The following EML1 variants were observed in gnomAD, a reference collection of about 807,000 sequenced individuals.
EML1 encodes the protein echinoderm microtubule-associated protein-like 1.
Under a neutral mutation model 110.4 loss-of-function variants are expected in EML1, and 27 were observed. That is an observed-to-expected ratio of 0.24 (90% confidence interval 0.18 to 0.34). The LOEUF is 0.34. Ranked by LOEUF, EML1 falls within the 10% of genes least tolerant of loss-of-function variation. The pLI, the probability that EML1 is intolerant of heterozygous loss-of-function variation, is 1.00. For synonymous variants in EML1, 344 were observed against 385.8 expected (o/e 0.89, Z 1.27); for missense variants, 741 against 1,030.9 (o/e 0.72, Z 3.85).
intron 10 of EML1, among the ~76,000 whole-genome samples, chr14:99,908,380 A>T (rs1211759509): frequency 6.6e-6 from 1 of 152,190 alleles, no homozygotes; most frequent in African/African-American, 2.4e-5. Context: ...ATAGACTCGA[A>T]TTCAGATTTC....
intron 1 of EML1, among the ~76,000 whole-genome samples, chr14:99,800,317 A>G (rs2057851465): frequency 6.6e-6 from 1 of 151,792 alleles, no homozygotes; most frequent in Admixed American, 6.6e-5. Flanking sequence ...TCTTCAGAAG[A>G]GTTTTTCTTT....
chr14:99,940,256 C>A lies in EML1; in HGVS notation c.*144C>A, dbSNP rs929325541. On this transcript the variant is annotated 3_prime_UTR_variant, in exon 22 of 22. Transcript: ENST00000262233. ...CCCTCCGCCGGCTACCTTAGCTTAG[C>A]GTGTCAGCGGGCGCCACAGCGGATC... The A allele has an allele frequency of 1.7e-6, 2 of 1,192,126 alleles. No individual in the cohort carries two copies. Among genetic ancestry groups the A allele is most frequent in the Non-Finnish European group, 2.2e-6 (2 of 914,910 alleles). The allele number at this position is 1,192,126 out of a possible 1,614,324, so 73.8% of individuals were successfully genotyped here.
At chr14:99,764,335 T>G (rs1263803808) in intron 1 of EML1, among the ~76,000 whole-genome samples, 1 of 152,318 alleles carries the variant, frequency 6.6e-6, no homozygotes, top group Non-Finnish European at 1.5e-5. Flanking sequence ...TCAGAGAGGC[T>G]AAGCGATTTG....
intron 17 of EML1, among the ~76,000 whole-genome samples, chr14:99,928,783 G>A (rs2060314339): frequency 1.3e-5 from 2 of 152,064 alleles, no homozygotes; most frequent in Admixed American, 6.5e-5. Context: ...ATGTTTTTTC[G>A]TTGTCTCTGA....
At chr14:99,882,022 T>G (rs1478864987) in intron 4 of EML1, among the ~76,000 whole-genome samples, 1 of 152,236 alleles carries the variant, frequency 6.6e-6, no homozygotes, top group Non-Finnish European at 1.5e-5. Flanking sequence ...ATGTTTAATT[T>G]TTTCAAATAC....
At position 99,940,880 on chromosome 14, in the gene EML1, T is replaced by A. The variant is rs1331900221; in HGVS notation, c.*768T>A. 1 of 152,260 alleles carries A rather than the reference T, an allele frequency of 6.6e-6. No individual in the cohort carries two copies. Among genetic ancestry groups the A allele is most frequent in the African/African-American group, 2.4e-5 (1 of 41,468 alleles). The allele number at this position is 152,260 out of a possible 1,614,324, so 9.4% of individuals were successfully genotyped here. A position where few individuals can be genotyped will look rare whatever the true frequency, so the allele number is the denominator to read the frequency against. ...ATTCACGGTGAGACATTTTGCCACCTTCTTGTGTATATTACTTGGCATGAG... is the reference window on the plus strand; with the variant it reads ...ATTCACGGTGAGACATTTTGCCACCATCTTGTGTATATTACTTGGCATGAG... On this transcript the variant is annotated 3_prime_UTR_variant, in exon 22 of 22. Transcript: ENST00000262233.
intron 1 of EML1, among the ~76,000 whole-genome samples, chr14:99,759,135 C>T (rs1339446160): frequency 6.6e-6 from 1 of 152,226 alleles, no homozygotes; most frequent in African/African-American, 2.4e-5. Flanking sequence ...GGAGCAAACA[C>T]TGGGCTGGTA....
At chr14:99,778,176 A>G (rs1381169766) in intron 1 of EML1, among the ~76,000 whole-genome samples, 1 of 152,094 alleles carries the variant, frequency 6.6e-6, no homozygotes, top group Admixed American at 6.5e-5. Flanking sequence ...CACATTGCTT[A>G]CTCCATACTC....
At chr14:99,770,793 T>C (rs972865462), upstream of EML1, among the ~76,000 whole-genome samples, 9 of 140,960 alleles carry the variant, frequency 6.4e-5, 1 homozygote, top group African/African-American at 2.2e-4. Flanking sequence ...TTTTTTTTTT[T>C]TTTTTTTTTG....
chr14:99,846,884 G>C (rs2058715550), intron 1 of EML1, among the ~76,000 whole-genome samples: 1 of 152,132 alleles, frequency 6.6e-6, no homozygotes, highest in Non-Finnish European at 1.5e-5. Flanking sequence ...ATGTTAGGTT[G>C]AGGGGCAGAG....
At chr14:99,814,205 T>C (rs1248765392) in intron 1 of EML1, among the ~76,000 whole-genome samples, 1 of 152,178 alleles carries the variant, frequency 6.6e-6, no homozygotes, top group Non-Finnish European at 1.5e-5. Context: ...CAGGACTAGA[T>C]TTCATCTTAA....
chr14:99,903,832 A>G (rs993223551), intron 9 of EML1, among the ~76,000 whole-genome samples: 4 of 147,718 alleles, frequency 2.7e-5, no homozygotes, highest in Non-Finnish European at 5.9e-5. Context: ...CACCCAGGCT[A>G]GAGGGCAGTG....
chr14:99,894,987 A>G (rs936034263), intron 6 of EML1, among the ~76,000 whole-genome samples: 12 of 152,244 alleles, frequency 7.9e-5, no homozygotes, highest in Admixed American at 5.9e-4. Context: ...AGGAGAACCA[A>G]CTTATCATTC....
At chr14:99,895,303 A>G (rs922904946) in intron 6 of EML1, among the ~76,000 whole-genome samples, 4 of 152,166 alleles carry the variant, frequency 2.6e-5, no homozygotes, top group Non-Finnish European at 4.4e-5. Context: ...TCCTGGACTC[A>G]AGCAATCTGC....
Position 99,784,167 on chromosome 14 carries a change from T to C in EML1, c.-27+10154T>C, listed in dbSNP as rs989884086. Among the ~76,000 whole-genome samples, 3 of 152,218 alleles carry C rather than the reference T, an allele frequency of 2.0e-5. No homozygotes were observed. The highest frequency in any genetic ancestry group is 2.1e-4 in the South Asian group (1 of 4,834). ...GTGCAGTGGCACGATCACGGCTCAC[T>C]GTAGCCTTGACCACCCAGGCTCAAG... On this transcript the variant is annotated intron_variant, in intron 1 of 22. Coordinates refer to the EML1 transcript ENST00000327921. The surrounding 1 kb of genome is among the most constrained non-coding windows in gnomAD (Gnocchi z 4.5).
At chr14:99,894,527 A>T in intron 5 of EML1, 102 bp from the exon 6 acceptor site, 1 of 1,323,546 alleles carries the variant, frequency 7.6e-7, no homozygotes, top group Non-Finnish European at 9.8e-7. Context: ...CAGAAGGGTA[A>T]AAGTTTCTCT....
chr14:99,894,487 C>CT, intron 5 of EML1, 142 bp from the exon 6 acceptor site: 2 of 1,059,692 alleles, frequency 1.9e-6, no homozygotes, highest in Non-Finnish European at 2.5e-6. Flanking sequence ...TTTTATGTTA[C>CT]TTTTTTCCCT....
chr14:99,892,342 C>T (rs566130507), intron 5 of EML1: 18 of 416,380 alleles, frequency 4.3e-5, no homozygotes, highest in African/African-American at 1.9e-4. Context: ...TTAAGTTAAA[C>T]GCATCCCTGA....
At chr14:99,902,630 A>G (rs1289984112) in intron 9 of EML1, among the ~76,000 whole-genome samples, 2 of 152,188 alleles carry the variant, frequency 1.3e-5, no homozygotes, top group Non-Finnish European at 2.9e-5. Context: ...AAGAATAATT[A>G]TTTTTCACAT....
Sources: allele counts gnomAD v4.1 joint callset (sites outside exome capture counted in the v4.1 genomes callset), GRCh38; gene constraint gnomAD v4.1.1; non-coding constraint Gnocchi (gnomAD v3.1); transcripts MANE v1.5; gene names NCBI Gene and HGNC (gene_info 2026-07-23, HGNC 2026-07-21).